The following RNLS variants were observed in gnomAD, a reference collection of about 807,000 sequenced individuals.
The protein encoded by RNLS is renalase.
RNLS carries 39 observed loss-of-function variants against 39.8 expected under a neutral mutation model. The observed-to-expected ratio is 0.98, with a 90% CI of 0.76 to 1.28. RNLS has a LOEUF of 1.28. Ranked by LOEUF, RNLS falls within the 50% of genes most tolerant of loss-of-function variation. RNLS has a pLI of 0.00. For synonymous variants in RNLS, 147 were observed against 150.7 expected (o/e 0.98, Z 0.18); for missense variants, 410 against 413.3 (o/e 0.99, Z 0.07).
chr10:88,171,542 G>T, the RNLS span, among the ~76,000 whole-genome samples: 1 of 152,142 alleles, frequency 6.6e-6, no homozygotes, highest in African/African-American at 2.4e-5. Flanking sequence ...CCAGATCGTT[G>T]TTCTTTATTT....
chr10:88,336,806 T>C (rs181238142), intron 5 of RNLS, among the ~76,000 whole-genome samples: 1 of 152,304 alleles, frequency 6.6e-6, no homozygotes, highest in Non-Finnish European at 1.5e-5. Context: ...GAGCTGGGGC[T>C]GGGTTGGGCA....
chr10:88,251,542 CA>C, the RNLS span, among the ~76,000 whole-genome samples: 1 of 152,164 alleles, frequency 6.6e-6, no homozygotes, highest in Non-Finnish European at 1.5e-5. Flanking sequence ...AACGGGCTTC[CA>C]AAGAGCATGG....
At chr10:88,300,889 T>C (rs1465362566) in intron 6 of RNLS, among the ~76,000 whole-genome samples, 2 of 152,218 alleles carry the variant, frequency 1.3e-5, no homozygotes, top group African/African-American at 4.8e-5. Context: ...CAAGTAGATT[T>C]ACTCTTTATG....
intron 3 of RNLS, among the ~76,000 whole-genome samples, chr10:88,577,883 T>G (rs1350782334): frequency 1.3e-5 from 2 of 152,164 alleles, no homozygotes; most frequent in Non-Finnish European, 2.9e-5. Context: ...GCTTTAAAGG[T>G]TTGAACCTAT....
intron 5 of RNLS, among the ~76,000 whole-genome samples, chr10:88,346,730 T>A (rs1354518914): frequency 9.9e-5 from 15 of 152,194 alleles, no homozygotes; most frequent in Non-Finnish European, 1.5e-5. Flanking sequence ...AAGCACTGAA[T>A]ACACATTCCT....
At chr10:88,465,262 G>A (rs1843137575) in intron 4 of RNLS, among the ~76,000 whole-genome samples, 1 of 152,030 alleles carries the variant, frequency 6.6e-6, no homozygotes, top group African/African-American at 2.4e-5. Flanking sequence ...GAATTCAAGA[G>A]TTGTTATTTA....
intron 6 of RNLS, chr10:88,309,363 C>A (rs1185588116): frequency 2.5e-5 from 31 of 1,243,634 alleles, no homozygotes; most frequent in Non-Finnish European, 3.3e-5. Context: ...CTTTTCAATG[C>A]TGAAATTAGA....
At chr10:88,569,611 T>A in intron 4 of RNLS, among the ~76,000 whole-genome samples, 1 of 152,162 alleles carries the variant, frequency 6.6e-6, no homozygotes, top group East Asian at 1.9e-4. Flanking sequence ...ACTAATTAAG[T>A]TAATGAAAGT....
chr10:88,394,337 G>A (rs907728601), intron 4 of RNLS, among the ~76,000 whole-genome samples: 10 of 151,724 alleles, frequency 6.6e-5, no homozygotes, highest in Admixed American at 2.6e-4. Context: ...GAACTCAAAC[G>A]AATTTACAAG....
chr10:88,569,399 T>C (rs568749194), intron 4 of RNLS, among the ~76,000 whole-genome samples: 35 of 152,004 alleles, frequency 2.3e-4, no homozygotes, highest in Non-Finnish European at 4.6e-4. Context: ...CTAGGGCATA[T>C]AGATATTAGA....
At chr10:88,400,103 G>A (rs763047541) in intron 4 of RNLS, among the ~76,000 whole-genome samples, 1 of 151,976 alleles carries the variant, frequency 6.6e-6, no homozygotes, top group Non-Finnish European at 1.5e-5. Context: ...CCACCTGGAT[G>A]ATCCAGGTTA....
At chr10:88,289,234 C>A (rs147244733) in intron 6 of RNLS, among the ~76,000 whole-genome samples, 146 of 152,258 alleles carry the variant, frequency 9.6e-4, no homozygotes, top group African/African-American at 3.4e-3. Flanking sequence ...CGCCAAAGCC[C>A]CTCATGGAGA....
chr10:88,251,344 A>C, the RNLS span, among the ~76,000 whole-genome samples: 1 of 152,242 alleles, frequency 6.6e-6, no homozygotes, highest in Non-Finnish European at 1.5e-5. Flanking sequence ...CATAAAATTT[A>C]TATGTGAGAG....
chr10:88,480,568 T>C (rs964186511), intron 4 of RNLS, among the ~76,000 whole-genome samples: 1 of 152,208 alleles, frequency 6.6e-6, no homozygotes, highest in Non-Finnish European at 1.5e-5. Context: ...ATTACAGGCA[T>C]GCGTCACCAC....
the RNLS span, among the ~76,000 whole-genome samples, chr10:88,178,253 A>G: frequency 2.0e-5 from 3 of 152,114 alleles, no homozygotes. Context: ...AGGGATGTGG[A>G]AATGTTAATG....
At chr10:88,219,967 C>A in the RNLS span, among the ~76,000 whole-genome samples, 1 of 152,098 alleles carries the variant, frequency 6.6e-6, no homozygotes, top group Non-Finnish European at 1.5e-5. Flanking sequence ...TGTGACGGTC[C>A]CTGAGCTGAG....
chr10:88,401,519 A>G (rs970983497), intron 4 of RNLS, among the ~76,000 whole-genome samples: 2 of 151,990 alleles, frequency 1.3e-5, no homozygotes, highest in South Asian at 4.1e-4. Flanking sequence ...ATGGTTCAAG[A>G]TTTTGCATTG....
intron 4 of RNLS, among the ~76,000 whole-genome samples, chr10:88,527,783 C>T (rs1847193326): frequency 6.7e-6 from 1 of 149,622 alleles, no homozygotes; most frequent in Admixed American, 6.7e-5. Flanking sequence ...ATCTGCAACA[C>T]CAAAAGGAAA....
chr10:88,405,587 C>A (rs1853212985), intron 4 of RNLS, among the ~76,000 whole-genome samples: 1 of 151,850 alleles, frequency 6.6e-6, no homozygotes, highest in African/African-American at 2.4e-5. Context: ...TTTTTTGAGT[C>A]CTTATGTGTT....
Sources: gnomAD v4.1 joint callset for allele counts (sites outside exome capture counted in the v4.1 genomes callset) on GRCh38, gnomAD v4.1.1 for gene constraint, MANE v1.5 for transcripts, NCBI Gene and HGNC (gene_info 2026-07-23, HGNC 2026-07-21) for gene names.